Variants in PTBP3 observed in about 807,000 individuals in gnomAD.
The protein encoded by PTBP3 is polypyrimidine tract-binding protein 3.
PTBP3 carries 20 observed loss-of-function variants against 58.7 expected under a neutral mutation model. That is an observed-to-expected ratio of 0.34 (90% CI 0.24 to 0.50). The LOEUF (loss-of-function observed/expected upper bound fraction) is 0.50, where lower values mean the gene tolerates loss of function less well. PTBP3 is among the 20% of genes least tolerant of loss of function. PTBP3 has a pLI of 0.98. For missense variants in PTBP3, 509 were observed against 637.2 expected, an observed-to-expected ratio of 0.80 and a Z score of 2.17; for synonymous variants, 185 against 219.8, an observed-to-expected ratio of 0.84 and a Z score of 1.40.
chr9:112,272,188 A>G (rs10817307), intron 3 of PTBP3, among the ~76,000 whole-genome samples: 40,619 of 151,816 alleles, frequency 0.27, 6,755 homozygotes, highest in South Asian at 0.41. Context: ...TCAGCCTCCC[A>G]AGTGGCTGGG....
In PTBP3 at chr9:112,223,788, G is replaced by A. The variant is rs1589790140; in HGVS notation, c.*63C>T. 7 of 1,610,242 alleles carry A rather than the reference G, an allele frequency of 4.3e-6. No individual in the cohort carries two copies. The South Asian group carries it at 6.6e-5, about 15-fold the overall frequency. On this transcript the variant is annotated 3_prime_UTR_variant, in exon 14 of 14. Coordinates refer to ENST00000374257, the MANE Select transcript of PTBP3 (RefSeq NM_001163788.4). ...GCAAAATTGGTCTTGAGCTGCTTCA[G>A]TCTATGTCTGAAGGTTTTACTGAAA...
At chr9:112,373,060 A>AT in the PTBP3 span, among the ~76,000 whole-genome samples, 20 of 151,240 alleles carry the variant, frequency 1.3e-4, no homozygotes, top group East Asian at 3.3e-3. Flanking sequence ...TGCCCGGCTA[A>AT]TTTTTTTTTG....
At chr9:112,290,784 T>C (rs1338697715) in intron 2 of PTBP3, among the ~76,000 whole-genome samples, 11 of 150,956 alleles carry the variant, frequency 7.3e-5, no homozygotes, top group Non-Finnish European at 2.9e-5. Flanking sequence ...GACATATTTC[T>C]GGTAAGAGTA....
At chr9:112,307,952 TTTG>T (rs1390815017) in intron 1 of PTBP3, among the ~76,000 whole-genome samples, 2 of 152,182 alleles carry the variant, frequency 1.3e-5, no homozygotes, top group Non-Finnish European at 2.9e-5. Context: ...TTTTTGGTGT[TTTG>T]TTGTTGTTAG....
the PTBP3 span, among the ~76,000 whole-genome samples, chr9:112,379,057 T>C: frequency 4.6e-5 from 7 of 152,234 alleles, no homozygotes; most frequent in South Asian, 6.2e-4. Context: ...GGCGTGGTGA[T>C]GCATGCCTGT....
In PTBP3 at chr9:112,220,034, C is replaced by G; in HGVS notation, c.*3817G>C. 9.2e-7 allele frequency: 1 copy of G among 1,083,610 alleles called. No homozygotes were observed. 67.1% of individuals were successfully genotyped at this position (1,083,610 alleles called of 1,614,324 possible). On this transcript the variant is annotated 3_prime_UTR_variant, in exon 14 of 14. Coordinates refer to ENST00000374257, the MANE Select transcript of PTBP3 (RefSeq NM_001163788.4). ...GTATTTTGAGTCTGGCAGTTTTGTT[C>G]TCATTAACAGATCAAGACAAAGGAA...
At chr9:112,320,541 T>C (rs577364086) in intron 1 of PTBP3, among the ~76,000 whole-genome samples, 72 of 151,930 alleles carry the variant, frequency 4.7e-4, no homozygotes, top group African/African-American at 1.7e-3. Flanking sequence ...GCTTTGTCTA[T>C]ATAATATGAC....
upstream of PTBP3, among the ~76,000 whole-genome samples, chr9:112,334,805 G>A (rs1028635379): frequency 6.6e-6 from 1 of 152,128 alleles, no homozygotes; most frequent in African/African-American, 2.4e-5. Flanking sequence ...AAGAAAATCA[G>A]GTTCCAGCCG....
rs1316441182 is a variant in PTBP3, at chr9:112,287,532, G to GT, written c.34+10299_34+10300insA. Reference sequence around the variant, plus strand: ...ATTTTTGTATTTTTAGTAGAGAAGGGGTTTCACCATGTTGGTCAGGCTGGT... The same window carrying GT: ...ATTTTTGTATTTTTAGTAGAGAAGGGTGTTTCACCATGTTGGTCAGGCTGGT... On this transcript the variant is annotated intron_variant, in intron 2 of 13. Coordinates refer to ENST00000374257, the MANE Select transcript of PTBP3 (RefSeq NM_001163788.4). Among the ~76,000 whole-genome samples, 205 of 151,182 alleles carry GT rather than the reference G, an allele frequency of 1.4e-3. 2 individuals are homozygous for GT. Among genetic ancestry groups the GT allele is most frequent in the Non-Finnish European group, 5.0e-4 (34 of 67,784 alleles).
chr9:112,372,152 AG>A, the PTBP3 span, among the ~76,000 whole-genome samples: 1 of 151,958 alleles, frequency 6.6e-6, no homozygotes, highest in Admixed American at 6.6e-5. Context: ...AACTTACTTC[AG>A]CCCCCTCAAG....
chr9:112,319,855 G>A (rs1248559270), intron 1 of PTBP3, among the ~76,000 whole-genome samples: 1 of 152,162 alleles, frequency 6.6e-6, no homozygotes, highest in Non-Finnish European at 1.5e-5. Context: ...TTAAAAAGAA[G>A]GAAATCCTGT....
At chr9:112,248,926 G>A (rs1050116747) in intron 7 of PTBP3, among the ~76,000 whole-genome samples, 24 of 152,218 alleles carry the variant, frequency 1.6e-4, no homozygotes, top group Admixed American at 9.2e-4. Flanking sequence ...AGACTTGACC[G>A]TACTGAGAAT....
At chr9:112,302,895 AT>A (rs1829009219) in intron 1 of PTBP3, among the ~76,000 whole-genome samples, 1 of 150,294 alleles carries the variant, frequency 6.7e-6, no homozygotes, top group African/African-American at 2.5e-5. Flanking sequence ...CAGCCTGACT[AT>A]ATTCTTCTTA....
At chr9:112,274,835 G>T (rs1827539501) in intron 3 of PTBP3, among the ~76,000 whole-genome samples, 1 of 152,160 alleles carries the variant, frequency 6.6e-6, no homozygotes. Flanking sequence ...CTGAAAACAG[G>T]AGATTCACAG....
the PTBP3 span, among the ~76,000 whole-genome samples, chr9:112,367,775 C>T: frequency 6.6e-6 from 1 of 152,060 alleles, no homozygotes; most frequent in East Asian, 1.9e-4. Flanking sequence ...GTGAAGATCT[C>T]TTTATATTTA....
intron 1 of PTBP3, among the ~76,000 whole-genome samples, chr9:112,326,449 C>A (rs1405459909): frequency 6.6e-6 from 1 of 152,182 alleles, no homozygotes; most frequent in Non-Finnish European, 1.5e-5. Context: ...AGGTGGCAAG[C>A]CAAATGTGGC....
chr9:112,236,895 A>G (rs1169335438), intron 7 of PTBP3, among the ~76,000 whole-genome samples: 1 of 152,114 alleles, frequency 6.6e-6, no homozygotes, highest in East Asian at 1.9e-4. Flanking sequence ...AGGCAAGTGG[A>G]GGATGGCTGC....
chr9:112,290,630 C>T (rs1828354033), intron 2 of PTBP3, among the ~76,000 whole-genome samples: 1 of 148,900 alleles, frequency 6.7e-6, no homozygotes, highest in African/African-American at 2.5e-5. Context: ...CGAGACCACG[C>T]CACTGCATTC....
chr9:112,232,194 T>G lies in PTBP3; in HGVS notation c.925A>C (p.Ile309Leu), dbSNP rs191339291. ...CTTCCAGTGACAGCAGAAGAGGTGA[T>G]TGTGAGAGGACCAAGAGCTCCAGGA... ...AVPGALGPLT[I>L]TSSAVTGRMA... The change falls in exon 9 of 14, where the codon ATC (isoleucine) becomes CTC (leucine). Residue 309 changes from isoleucine (I) to leucine (L), a missense_variant. Coordinates refer to ENST00000374257, the MANE Select transcript of PTBP3 (RefSeq NM_001163788.4). 1.9e-6 allele frequency: 3 copies of G among 1,611,866 alleles called. No homozygotes were observed. In the East Asian group the frequency reaches 6.7e-5, roughly 36 times the overall value.
Sources: gnomAD v4.1 joint callset for allele counts (sites outside exome capture counted in the v4.1 genomes callset) on GRCh38, gnomAD v4.1.1 for gene constraint, MANE v1.5 for transcripts, NCBI Gene and HGNC (gene_info 2026-07-23, HGNC 2026-07-21) for gene names.